Variants in PIN1 observed in about 807,000 individuals in gnomAD.
PIN1 encodes the protein peptidylprolyl cis/trans isomerase, NIMA-interacting 1.
In PIN1, 8 loss-of-function variants were observed where a neutral mutation model predicts 19.9. The ratio of observed to expected loss-of-function variants is 0.40; its 90% confidence interval spans 0.24 to 0.72. The LOEUF is 0.72. Among genes scored for constraint, PIN1 ranks in the 30% least tolerant of loss-of-function variants. PIN1 has a pLI of 0.37. For synonymous variants in PIN1, 86 were observed against 90.8 expected (o/e 0.95, Z 0.30); for missense variants, 185 against 226.5 (o/e 0.82, Z 1.18).
In PIN1 at chr19:9,849,089, G is replaced by A; in HGVS notation, c.383-1G>A. The A allele has an allele frequency of 6.2e-7, 1 of 1,609,490 alleles. No homozygotes were observed. The highest frequency in any genetic ancestry group is 8.5e-7 in the Non-Finnish European group (1 of 1,175,972). On this transcript the variant is annotated splice_acceptor_variant, in intron 3 of 3. Transcript: ENST00000247970. LOFTEE classifies it high-confidence loss of function. ...CCCCCACCGCCCCTCCTGGCTCCCA[G>A]GTCAGATGCAGAAGCCATTTGAAGA...
rs574585005 is a variant in PIN1, at chr19:9,838,334, C to T, written c.59-102C>T. ...ACACCATGGATTTGTTGAATGAAGGCGCCCCCTGCAAGCCAGGCCCTCACC... is the reference window on the plus strand; with the variant it reads ...ACACCATGGATTTGTTGAATGAAGGTGCCCCCTGCAAGCCAGGCCCTCACC... On this transcript the variant is annotated intron_variant, in intron 1 of 3. Transcript: ENST00000247970. The surrounding 1 kb of genome is among the most constrained non-coding windows in gnomAD (Gnocchi z 5.8). The T allele has an allele frequency of 6.7e-5, 58 of 861,228 alleles. 2 individuals are homozygous for T. In the Admixed American group the frequency reaches 9.4e-4, roughly 14 times the overall value. 53.3% of individuals were successfully genotyped at this position (861,228 alleles called of 1,614,324 possible).
intron 2 of PIN1, among the ~76,000 whole-genome samples, chr19:9,839,183 C>T (rs1241603006): frequency 6.6e-6 from 1 of 152,096 alleles, no homozygotes; most frequent in Admixed American, 6.5e-5. Context: ...CCTGTAATCC[C>T]AGCACTTTGG....
At chr19:9,841,170 C>A (rs975460292) in intron 2 of PIN1, among the ~76,000 whole-genome samples, 1 of 152,154 alleles carries the variant, frequency 6.6e-6, no homozygotes, top group East Asian at 1.9e-4. Context: ...CATATGCACA[C>A]CCCCAACATG....
intron 1 of PIN1, 135 bp downstream of exon 1, chr19:9,835,537 A>G: frequency 1.7e-6 from 1 of 597,210 alleles, no homozygotes; most frequent in Non-Finnish European, 2.6e-6. Context: ...CCCCGGGGTA[A>G]CGGCCCCGGC....
At chr19:9,841,302 G>A (rs1192869111) in intron 2 of PIN1, among the ~76,000 whole-genome samples, 1 of 152,192 alleles carries the variant, frequency 6.6e-6, no homozygotes, top group Non-Finnish European at 1.5e-5. Context: ...TCTGAGGGCA[G>A]GGACTGGATC....
chr19:9,836,704 C>A, intron 1 of PIN1: 2 of 556,144 alleles, frequency 3.6e-6, no homozygotes, highest in Non-Finnish European at 6.0e-6. Context: ...ATCGGGCCAC[C>A]AGTAATGCTG....
intron 3 of PIN1, chr19:9,848,437 C>T (rs1218124909): frequency 2.4e-6 from 1 of 418,208 alleles, no homozygotes. Context: ...TGGGTACATC[C>T]TGTCCTCTGC....
intron 2 of PIN1, among the ~76,000 whole-genome samples, chr19:9,840,564 C>G (rs1318710219): frequency 6.6e-6 from 1 of 152,166 alleles, no homozygotes; most frequent in Admixed American, 6.5e-5. Context: ...GCTATGTGCT[C>G]TTGAGCAAGT....
intron 2 of PIN1, 121 bp from the exon 3 acceptor site, chr19:9,847,909 G>A (rs1599455754): frequency 2.8e-6 from 2 of 725,502 alleles, no homozygotes; most frequent in Admixed American, 1.9e-5. Flanking sequence ...CGCCTGTGAG[G>A]GGAGGCTTTC....
intron 2 of PIN1, among the ~76,000 whole-genome samples, chr19:9,842,061 G>A (rs151159595): frequency 1.4e-3 from 210 of 152,294 alleles, no homozygotes; most frequent in Non-Finnish European, 2.5e-3. Flanking sequence ...GCCCTGAGGC[G>A]TCACCGTAGG....
At chr19:9,845,046 A>T (rs2046205805) in intron 2 of PIN1, among the ~76,000 whole-genome samples, 1 of 151,988 alleles carries the variant, frequency 6.6e-6, no homozygotes, top group Admixed American at 6.6e-5. Flanking sequence ...ACAGTGGGGG[A>T]TTAGGGGAGG....
At chr19:9,836,396 A>G (rs1348944246) in intron 1 of PIN1, 2 of 164,856 alleles carry the variant, frequency 1.2e-5, no homozygotes, top group East Asian at 3.3e-4. Context: ...CCCATTGCCA[A>G]GGTTTTAGAG....
chr19:9,837,764 C>G (rs2145408723), intron 1 of PIN1: 1 of 153,772 alleles, frequency 6.5e-6, no homozygotes, highest in South Asian at 2.0e-4. Context: ...TCCCCAGTAG[C>G]TGGGATTACA....
chr19:9,847,130 G>T (rs2046226729), intron 2 of PIN1, among the ~76,000 whole-genome samples: 1 of 152,090 alleles, frequency 6.6e-6, no homozygotes, highest in Admixed American at 6.5e-5. Flanking sequence ...ACGTGCACAA[G>T]ACTGCATACA....
intron 3 of PIN1, chr19:9,848,391 C>G (rs1192330427): frequency 1.9e-6 from 1 of 520,828 alleles, no homozygotes; most frequent in Non-Finnish European, 3.5e-6. Context: ...TCTTGTGTGT[C>G]TGTGCACAGA....
At chr19:9,837,399 C>A (rs2046119381) in intron 1 of PIN1, 1 of 157,224 alleles carries the variant, frequency 6.4e-6, no homozygotes. Context: ...GGTGATCCAC[C>A]TGCCTCAGCC....
chr19:9,843,090 A>G (rs756343555), intron 2 of PIN1, among the ~76,000 whole-genome samples: 1 of 152,246 alleles, frequency 6.6e-6, no homozygotes, highest in Non-Finnish European at 1.5e-5. Flanking sequence ...AGGATGGGCC[A>G]TGGAGAAGCC....
chr19:9,838,749 G>C lies in PIN1; in HGVS notation c.271+101G>C, dbSNP rs2046137139. On this transcript the variant is annotated intron_variant, in intron 2 of 3. Transcript: ENST00000247970. This position sits in a 1 kb window ranked among gnomAD's most constrained non-coding sequence, Gnocchi z 5.8. ...TTCACCCCAGCTTGCTCAGCTGCCA[G>C]GCGTGGTGTTGGCCAACACAAAAAC... is the stretch of plus-strand genomic sequence containing the variant. 3 of 974,840 alleles carry C rather than the reference G, an allele frequency of 3.1e-6. No homozygotes were observed. The East Asian group carries it at 7.9e-5, about 26-fold the overall frequency. 60.4% of individuals were successfully genotyped at this position (974,840 alleles called of 1,614,324 possible).
At chr19:9,841,225 A>G (rs962668771) in intron 2 of PIN1, among the ~76,000 whole-genome samples, 5 of 152,210 alleles carry the variant, frequency 3.3e-5, no homozygotes, top group African/African-American at 1.2e-4. Context: ...ATATGTAAGC[A>G]TGGCAGAGAG....
Sources: allele counts gnomAD v4.1 joint callset (sites outside exome capture counted in the v4.1 genomes callset), GRCh38; gene constraint gnomAD v4.1.1; non-coding constraint Gnocchi (gnomAD v3.1); transcripts MANE v1.5; gene names NCBI Gene and HGNC (gene_info 2026-07-23, HGNC 2026-07-21).